AHNAK: variants seen among roughly 807,000 people sequenced by gnomAD.
AHNAK encodes the protein AHNAK nucleoprotein, also known as neuroblast differentiation-associated protein AHNAK.
A neutral mutation model predicts 37.8 loss-of-function variants in AHNAK; 23 were observed. The ratio of observed to expected loss-of-function variants is 0.61; its 90% CI spans 0.44 to 0.86. The LOEUF is 0.86. Among genes scored for constraint, AHNAK ranks in the 40% least tolerant of loss-of-function variants. The pLI, the probability that AHNAK is intolerant of heterozygous loss-of-function variation, is 0.00. For missense variants in AHNAK, 7,411 were observed against 7,319.4 expected, an observed-to-expected ratio of 1.01 and a Z score of -0.46; for synonymous variants, 2,481 against 2,636.3, an observed-to-expected ratio of 0.94 and a Z score of 1.80.
At chr11:62,469,920 G>A (rs1359924683) in intron 5 of AHNAK, among the ~76,000 whole-genome samples, 1 of 152,188 alleles carries the variant, frequency 6.6e-6, no homozygotes, top group Non-Finnish European at 1.5e-5. Context: ...ATCAATGTGT[G>A]TACTCAATCA....
chr11:62,511,705 C>T (rs939875684), downstream of AHNAK, among the ~76,000 whole-genome samples: 2 of 152,088 alleles, frequency 1.3e-5, no homozygotes, highest in African/African-American at 2.4e-5. Context: ...TAAGAAACCT[C>T]GATGTATAAA....
chr11:62,486,151 G>A (rs1187654623), intron 5 of AHNAK, among the ~76,000 whole-genome samples: 1 of 151,964 alleles, frequency 6.6e-6, no homozygotes, highest in Non-Finnish European at 1.5e-5. Context: ...CCACTTATAT[G>A]AGGTACCTAG....
In AHNAK at chr11:62,529,883, T is replaced by G; in HGVS notation, c.4534A>C (p.Lys1512Gln). The change falls in exon 5 of 5, where the codon AAG (lysine) becomes CAG (glutamine). Residue 1512 changes from lysine (K) to glutamine (Q), a missense_variant. Transcript: ENST00000378024. ...ATGCTGAACTTGGGCATTTTTACCT[T>G]GGGCATCTTCAGGTGCCAGTCTGGG... Reference protein sequence around the residue: ...HGPDWHLKMPKVKMPKFSMPG... With the variant: ...HGPDWHLKMPQVKMPKFSMPG... The G allele has an allele frequency of 6.2e-6, 10 of 1,613,708 alleles. No individual in the cohort carries two copies. The highest frequency in any genetic ancestry group is 8.5e-6 in the Non-Finnish European group (10 of 1,179,928).
In AHNAK at chr11:62,515,928, C is replaced by T; in HGVS notation, c.*816G>A. The T allele has an allele frequency of 5.1e-6, 6 of 1,169,916 alleles. No individual in the cohort carries two copies. The highest frequency in any genetic ancestry group is 6.4e-6 in the Non-Finnish European group (6 of 931,334). 72.5% of individuals were successfully genotyped at this position (1,169,916 alleles called of 1,614,324 possible). On this transcript the variant is annotated 3_prime_UTR_variant, in exon 5 of 5. Coordinates refer to ENST00000378024, the MANE Select transcript of AHNAK (RefSeq NM_001620.3). ...CAAGGTTAATAAACAGCTTTATTTG[C>T]CTTGTACAGCATCAATTTTCTTACA...
rs371420952 is a variant in AHNAK, at chr11:62,533,391, G to A, written c.1026C>T (p.Gly342=). The A allele has an allele frequency of 3.9e-5, 63 of 1,595,542 alleles. No individual in the cohort carries two copies. The highest frequency in any genetic ancestry group is 3.3e-4 in the East Asian group (15 of 44,868). The change falls in exon 5 of 5, where the codon GGC becomes GGT. Residue 342 remains glycine, a synonymous_variant. Transcript: ENST00000378024. ...SAPEVSVGHK[G]GKPGLTIQAP... ...CTTGGATAGTCAAGCCTGGCTTGCC[G>A]CCCTTGTGCCCCACAGAGACTTCAG... is the stretch of plus-strand genomic sequence containing the variant.
intron 5 of AHNAK, among the ~76,000 whole-genome samples, chr11:62,439,328 C>T (rs1938249616): frequency 6.6e-6 from 1 of 151,812 alleles, no homozygotes; most frequent in Non-Finnish European, 1.5e-5. Context: ...GAACTCCTGA[C>T]CTTGTGATCC....
chr11:62,512,630 G>A (rs534281256), downstream of AHNAK, among the ~76,000 whole-genome samples: 16 of 152,286 alleles, frequency 1.1e-4, no homozygotes, highest in Non-Finnish European at 1.6e-4. The surrounding 1 kb of genome is among the most constrained non-coding windows in gnomAD (Gnocchi z 4.0). Flanking sequence ...TGGGCTAAGC[G>A]CGGTGGCTCA....
intron 1 of AHNAK, among the ~76,000 whole-genome samples, chr11:62,538,908 T>C (rs1322196777): frequency 6.6e-6 from 1 of 152,178 alleles, no homozygotes; most frequent in African/African-American, 2.4e-5. Flanking sequence ...TCGTGGGCAC[T>C]TAGCAGTTCC....
chr11:62,521,724 C>CA lies in AHNAK; in HGVS notation c.12692dup (p.Asn4232GlufsTer13). 1 of 1,613,718 alleles carries CA rather than the reference C, an allele frequency of 6.2e-7. No individual in the cohort carries two copies. Among genetic ancestry groups the CA allele is most frequent in the Non-Finnish European group, 8.5e-7 (1 of 1,179,938 alleles). ...GTTTCGCATCTGGACCTTCGATATT[C>CA]ACATCAGGAACATCAATGTCCACCT... is the stretch of plus-strand genomic sequence containing the variant. On this transcript the variant is annotated frameshift_variant, in exon 5 of 5. Coordinates refer to ENST00000378024, the MANE Select transcript of AHNAK (RefSeq NM_001620.3). LOFTEE classifies it low-confidence loss of function (END_TRUNC).
At chr11:62,441,357 C>T (rs1938301991) in intron 5 of AHNAK, among the ~76,000 whole-genome samples, 1 of 151,884 alleles carries the variant, frequency 6.6e-6, no homozygotes, top group Non-Finnish European at 1.5e-5. Flanking sequence ...CCTGTGATCC[C>T]AGCTACTCAG....
chr11:62,535,805 G>T, intron 3 of AHNAK, 140 bp downstream of exon 3: 1 of 1,171,172 alleles, frequency 8.5e-7, no homozygotes, highest in Non-Finnish European at 1.2e-6. Context: ...GCAGGGCTTG[G>T]GTACCAACCA....
chr11:62,533,535 T>C lies in AHNAK; in HGVS notation c.882A>G (p.Pro294=). ...LGGRAVEVQG[P]SLESGDHGKI... ...TGCCATGATCACCACTCTCCAGAGA[T>C]GGGCCCTGTACCTCTACTGCCCTAC... The change falls in exon 5 of 5, where the codon CCA becomes CCG. Residue 294 remains proline (P), a synonymous_variant. Coordinates refer to ENST00000378024, the MANE Select transcript of AHNAK (RefSeq NM_001620.3). 5 of 1,614,172 alleles carry C rather than the reference T, an allele frequency of 3.1e-6. No homozygotes were observed. Among genetic ancestry groups the C allele is most frequent in the Non-Finnish European group, 4.2e-6 (5 of 1,180,020 alleles).
rs139212757 is a variant in AHNAK, at chr11:62,517,937, T to C, written c.16480A>G (p.Met5494Val). Residue 5494 changes from methionine (M) to valine (V), a missense_variant, in exon 5 of 5, where the codon ATG becomes GTG. Transcript: ENST00000378024. ...CATCCAGAGGACTTAATTCCAGGCA[T>C]CTGGAGGTTTCCTTCTAGGCCTTGA... Reference protein sequence around the residue: ...GVQGLEGNLQMPGIKSSGCDV... With the variant: ...GVQGLEGNLQVPGIKSSGCDV... 13 of 1,614,080 alleles carry C rather than the reference T, an allele frequency of 8.1e-6. No individual in the cohort carries two copies. In the African/African-American group the frequency reaches 1.7e-4, roughly 22 times the overall value.
chr11:62,474,297 G>A (rs12286960), intron 5 of AHNAK, among the ~76,000 whole-genome samples: 1 of 151,212 alleles, frequency 6.6e-6, no homozygotes, highest in Non-Finnish European at 1.5e-5. Flanking sequence ...TGATTCTCCT[G>A]CCTCAGCCTC....
intron 5 of AHNAK, among the ~76,000 whole-genome samples, chr11:62,452,091 C>T (rs1385006343): frequency 6.6e-6 from 1 of 152,056 alleles, no homozygotes; most frequent in African/African-American, 2.4e-5. Context: ...GGATTACAGG[C>T]GTGAGCCACC....
At chr11:62,508,790 C>A (rs1939857757) in intron 4 of AHNAK, among the ~76,000 whole-genome samples, 1 of 152,224 alleles carries the variant, frequency 6.6e-6, no homozygotes, top group Non-Finnish European at 1.5e-5. Context: ...GCATGGAATT[C>A]TTTGTCCTCG....
In AHNAK at chr11:62,525,441, G is replaced by C; in HGVS notation, c.8976C>G (p.Leu2992=). The change falls in exon 5 of 5, where the codon CTC becomes CTG. Residue 2992 remains leucine, a synonymous_variant. Transcript: ENST00000378024. Reference sequence around the variant, plus strand: ...CCCTGATGTCAACTTCAGGGCCCTTGAGGTCACCTTCCACTTTGGGCAGAG... The same window carrying C: ...CCCTGATGTCAACTTCAGGGCCCTTCAGGTCACCTTCCACTTTGGGCAGAG... ...DISLPKVEGD[L]KGPEVDIRGP... 6.2e-7 allele frequency: 1 copy of C among 1,609,186 alleles called. No homozygotes were observed. Among genetic ancestry groups the C allele is most frequent in the Non-Finnish European group, 8.5e-7 (1 of 1,178,436 alleles).
intron 4 of AHNAK, among the ~76,000 whole-genome samples, chr11:62,500,599 C>G (rs1423724211): frequency 6.6e-6 from 1 of 152,204 alleles, no homozygotes; most frequent in African/African-American, 2.4e-5. Context: ...CTTAAAAAAT[C>G]CAAGTGGGTT....
In AHNAK at chr11:62,523,259, T is replaced by C; in HGVS notation, c.11158A>G (p.Asn3720Asp). The change falls in exon 5 of 5, where the codon AAC (asparagine) becomes GAC (aspartate). Residue 3720 changes from asparagine to aspartate, a missense_variant. Coordinates refer to ENST00000378024, the MANE Select transcript of AHNAK (RefSeq NM_001620.3). ...AATTTACCCTCTGAGCCTTCGATGTTAATGTCAGGAGTGTCAATGTCCACT... is the reference window on the plus strand; with the variant it reads ...AATTTACCCTCTGAGCCTTCGATGTCAATGTCAGGAGTGTCAATGTCCACT... The part of the protein sequence containing the change: ...PKVDIDTPDI[N>D]IEGSEGKFKG... 11 of 1,611,174 alleles carry C rather than the reference T, an allele frequency of 6.8e-6. No individual in the cohort carries two copies. The highest frequency in any genetic ancestry group is 8.5e-6 in the Non-Finnish European group (10 of 1,179,108).
Sources: allele counts gnomAD v4.1 joint callset (sites outside exome capture counted in the v4.1 genomes callset), GRCh38; gene constraint gnomAD v4.1.1; non-coding constraint Gnocchi (gnomAD v3.1); transcripts MANE v1.5; gene names NCBI Gene and HGNC (gene_info 2026-07-23, HGNC 2026-07-21).